PDE8B: variants seen among roughly 807,000 people sequenced by gnomAD.
The protein encoded by PDE8B is high affinity cAMP-specific and IBMX-insensitive 3',5'-cyclic phosphodiesterase 8B.
PDE8B carries 26 observed loss-of-function variants against 101.3 expected under a neutral mutation model. The observed-to-expected ratio is 0.26, with a 90% CI of 0.19 to 0.36. The LOEUF is 0.36. PDE8B is among the 10% of genes least tolerant of loss of function. The pLI, the probability that PDE8B is intolerant of heterozygous loss-of-function variation, is 1.00. For synonymous variants in PDE8B, 424 were observed against 429.3 expected, an observed-to-expected ratio of 0.99 and a Z score of 0.15; for missense variants, 810 against 1,163.1, an observed-to-expected ratio of 0.70 and a Z score of 4.42.
chr5:77,344,201 A>C (rs773037706), intron 6 of PDE8B, among the ~76,000 whole-genome samples: 3 of 152,220 alleles, frequency 2.0e-5, no homozygotes, highest in African/African-American at 7.2e-5. Context: ...ATCTTATCAA[A>C]TGTTATATAC....
At chr5:77,204,410 C>CAAAA in the PDE8B span, among the ~76,000 whole-genome samples, 10 of 106,144 alleles carry the variant, frequency 9.4e-5, no homozygotes, top group African/African-American at 2.9e-4. Flanking sequence ...GACTCTGTCT[C>CAAAA]AAAAAAAAAA....
the PDE8B span, among the ~76,000 whole-genome samples, chr5:77,095,192 A>G: frequency 6.6e-6 from 1 of 152,068 alleles, no homozygotes; most frequent in Non-Finnish European, 1.5e-5. Flanking sequence ...AGCTTTGGTT[A>G]ACTTTCTCAA....
the PDE8B span, among the ~76,000 whole-genome samples, chr5:77,204,723 A>T: frequency 6.6e-6 from 1 of 152,138 alleles, no homozygotes; most frequent in African/African-American, 2.4e-5. Flanking sequence ...CTGTGATTGA[A>T]AAGTTCTTGT....
At chr5:77,378,046 A>ACACACACACACC (rs1554093112) in intron 10 of PDE8B, among the ~76,000 whole-genome samples, 2 of 99,566 alleles carry the variant, frequency 2.0e-5, no homozygotes, top group East Asian at 4.9e-4. Context: ...ACACACACAC[A>ACACACACACACC]CACCCCCTGT....
At chr5:77,189,737 G>A in the PDE8B span, among the ~76,000 whole-genome samples, 1 of 152,126 alleles carries the variant, frequency 6.6e-6, no homozygotes, top group Admixed American at 6.5e-5. Context: ...AGGCTGCTCA[G>A]GGACTGTGGT....
intron 6 of PDE8B, 49 bp downstream of exon 6, chr5:77,337,364 A>T (rs1778388861): frequency 1.1e-6 from 1 of 949,752 alleles, no homozygotes; most frequent in Admixed American, 1.9e-5. Context: ...TTCTTTAGAA[A>T]ATCTTATCTG....
chr5:77,204,050 G>GTTTTTTTTT, the PDE8B span, among the ~76,000 whole-genome samples: 7 of 113,620 alleles, frequency 6.2e-5, no homozygotes, highest in East Asian at 2.7e-4. Flanking sequence ...TGTACCCTTA[G>GTTTTTTTTT]TTTTTTTTTT....
intron 10 of PDE8B, among the ~76,000 whole-genome samples, chr5:77,360,848 C>G (rs1782970815): frequency 6.6e-6 from 1 of 152,134 alleles, no homozygotes; most frequent in South Asian, 2.1e-4. Flanking sequence ...TTCCTTTAAG[C>G]CATTATGACC....
At chr5:77,376,844 G>T (rs976026801) in intron 10 of PDE8B, among the ~76,000 whole-genome samples, 2 of 152,108 alleles carry the variant, frequency 1.3e-5, no homozygotes, top group African/African-American at 4.8e-5. Context: ...TGAAGGCCTG[G>T]TGTCATTAAG....
At chr5:77,366,226 CTT>C (rs1784103373) in intron 10 of PDE8B, among the ~76,000 whole-genome samples, 1 of 152,080 alleles carries the variant, frequency 6.6e-6, no homozygotes, top group Non-Finnish European at 1.5e-5. Context: ...GCTATGAGAA[CTT>C]TGGTTTTTTT....
chr5:77,245,839 T>TCC (rs533447203), intron 1 of PDE8B, among the ~76,000 whole-genome samples: 30 of 6,080 alleles, frequency 4.9e-3, no homozygotes, highest in African/African-American at 7.8e-3. Context: ...TATAACCTCC[T>TCC]CCCCCCCCCG....
At chr5:77,327,701 G>A (rs1255731575) in intron 3 of PDE8B, among the ~76,000 whole-genome samples, 1 of 152,190 alleles carries the variant, frequency 6.6e-6, no homozygotes, top group Non-Finnish European at 1.5e-5. Flanking sequence ...CCTGTGGGGT[G>A]GCTGACTGGG....
At chr5:77,411,610 T>TAAAA in intron 14 of PDE8B, 66 bp from the exon 15 acceptor site, 1 of 1,060,546 alleles carries the variant, frequency 9.4e-7, no homozygotes, top group Admixed American at 2.1e-5. Context: ...TCACTAATAA[T>TAAAA]AAAAAAAAAA....
the PDE8B span, among the ~76,000 whole-genome samples, chr5:77,132,670 A>G: frequency 3.9e-5 from 6 of 152,176 alleles, no homozygotes; most frequent in African/African-American, 1.4e-4. Context: ...CTTCTGTGCA[A>G]CAATATGGAA....
At chr5:77,419,409 G>C (rs1035197932) in intron 18 of PDE8B, among the ~76,000 whole-genome samples, 1 of 152,352 alleles carries the variant, frequency 6.6e-6, no homozygotes, top group East Asian at 1.9e-4. Flanking sequence ...CAGTGGGCCA[G>C]CTTATGTGGC....
At chr5:77,407,075 G>T (rs1027628937) in intron 12 of PDE8B, among the ~76,000 whole-genome samples, 2 of 152,134 alleles carry the variant, frequency 1.3e-5, no homozygotes, top group African/African-American at 4.8e-5. Context: ...AGCCGTGTGG[G>T]GGTCATTAAG....
chr5:77,298,661 A>G (rs1769170533), intron 1 of PDE8B, among the ~76,000 whole-genome samples: 1 of 152,188 alleles, frequency 6.6e-6, no homozygotes. Context: ...GGTTCACCAG[A>G]CACCATTCCC....
rs61735409 is a variant in PDE8B, at chr5:77,426,518, A to C, written c.2622A>C (p.Leu874=). ...NYKHWKTLDD[L]KCKSLRLPSD... ...AACACTGGAAGACACTAGATGACCT[A>C]AAGTGCAAAAGTTTGAGGCTTCCAT... The change falls in exon 22 of 22, where the codon CTA becomes CTC. Residue 874 remains leucine, a synonymous_variant. Coordinates refer to ENST00000264917, the MANE Select transcript of PDE8B (RefSeq NM_003719.5). 1 of 1,613,174 alleles carries C rather than the reference A, an allele frequency of 6.2e-7. No homozygotes were observed. The highest frequency in any genetic ancestry group is 8.5e-7 in the Non-Finnish European group (1 of 1,179,134).
rs187086417 is a variant in PDE8B at position 77,314,270 on chromosome 5, C to T, written c.399+2217C>T. Among the ~76,000 whole-genome samples, 730 of 152,222 alleles carry T rather than the reference C, an allele frequency of 4.8e-3. 1 individual carries two copies. Among genetic ancestry groups the T allele is most frequent in the Non-Finnish European group, 8.2e-3 (558 of 67,986 alleles). On this transcript the variant is annotated intron_variant, in intron 2 of 21. Coordinates refer to ENST00000264917, the MANE Select transcript of PDE8B (RefSeq NM_003719.5). ...ATGTCTGTCCTTATCCAGTACCACACTGTCTCGATTAGTGTAATTTTGTAG... is the reference window on the plus strand; with the variant it reads ...ATGTCTGTCCTTATCCAGTACCACATTGTCTCGATTAGTGTAATTTTGTAG...
Sources: allele counts gnomAD v4.1 joint callset (sites outside exome capture counted in the v4.1 genomes callset), GRCh38; gene constraint gnomAD v4.1.1; transcripts MANE v1.5; gene names NCBI Gene and HGNC (gene_info 2026-07-23, HGNC 2026-07-21).